The following DCTN4 variants were observed in gnomAD, a reference collection of about 807,000 sequenced individuals.
The protein encoded by DCTN4 is dynactin 4 (p62).
A neutral mutation model predicts 62.7 loss-of-function variants in DCTN4; 23 were observed. The observed-to-expected ratio is 0.37, with a 90% CI of 0.26 to 0.52. The LOEUF (loss-of-function observed/expected upper bound fraction) is 0.52, where lower values mean the gene tolerates loss of function less well. Among genes scored for constraint, DCTN4 ranks in the 20% least tolerant of loss-of-function variants. The probability of loss-of-function intolerance (pLI) is 0.92; values close to 1 mark genes in which losing one functional copy is unlikely to be tolerated. For missense variants in DCTN4, 514 were observed against 580.4 expected, an observed-to-expected ratio of 0.89 and a Z score of 1.18; for synonymous variants, 199 against 202.1, an observed-to-expected ratio of 0.98 and a Z score of 0.13.
At chr5:150,711,473 A>G (rs1303010722) in intron 12 of DCTN4, 111 bp from the exon 13 acceptor site, 1 of 809,356 alleles carries the variant, frequency 1.2e-6, no homozygotes, top group African/African-American at 1.7e-5. Context: ...CACACAGAAA[A>G]CCTATAAACA....
At chr5:150,711,983 T>C (rs1344860462) in intron 12 of DCTN4, among the ~76,000 whole-genome samples, 2 of 152,170 alleles carry the variant, frequency 1.3e-5, no homozygotes, top group East Asian at 1.9e-4. Context: ...CAGTATTCAA[T>C]TATGTGTTTA....
chr5:150,719,695 G>A (rs368455946), intron 10 of DCTN4, 21 bp downstream of exon 10: 1 of 1,575,636 alleles, frequency 6.3e-7, no homozygotes, highest in African/African-American at 1.4e-5. Flanking sequence ...TTTTCTTCCT[G>A]TTAATGAGCA....
At chr5:150,719,977 G>A (rs1055680434) in intron 9 of DCTN4, among the ~76,000 whole-genome samples, 7 of 152,086 alleles carry the variant, frequency 4.6e-5, no homozygotes, top group African/African-American at 9.7e-5. Context: ...GAAATCTTAC[G>A]TATATTTCTA....
At position 150,729,042 on chromosome 5, in the gene DCTN4, C is replaced by CCTT. The variant is rs762124472; in HGVS notation, c.834+1588_834+1589insAAG. 9.3e-3 allele frequency among the ~76,000 whole-genome samples: 484 copies of CCTT among 52,182 alleles called. 84 individuals are homozygous for CCTT. The highest frequency in any genetic ancestry group is 0.025 in the African/African-American group (328 of 13,166). 34.2% of individuals were successfully genotyped at this position (52,182 alleles called of 152,430 possible). On this transcript the variant is annotated intron_variant, in intron 8 of 12. Coordinates refer to ENST00000447998, the MANE Select transcript of DCTN4 (RefSeq NM_016221.4). Reference sequence around the variant, plus strand: ...ACAAGTGTGTGAACCACCACACTGGCTTTTTTTTTTTTTTTTTTTTTTTTT... The same window carrying CCTT: ...ACAAGTGTGTGAACCACCACACTGGCCTTTTTTTTTTTTTTTTTTTTTTTTTTT...
At chr5:150,725,448 T>A (rs562875884) in intron 8 of DCTN4, among the ~76,000 whole-genome samples, 1 of 152,070 alleles carries the variant, frequency 6.6e-6, no homozygotes, top group Non-Finnish European at 1.5e-5. Context: ...AACTTCTGAT[T>A]CTGTTGCCCT....
chr5:150,753,112 G>A (rs903283374), intron 3 of DCTN4, among the ~76,000 whole-genome samples: 5 of 152,070 alleles, frequency 3.3e-5, no homozygotes, highest in African/African-American at 9.7e-5. Flanking sequence ...TGATCTGCCC[G>A]CCTCAACCTC....
intron 4 of DCTN4, among the ~76,000 whole-genome samples, chr5:150,739,998 C>A (rs1256367638): frequency 6.6e-6 from 1 of 152,110 alleles, no homozygotes; most frequent in Non-Finnish European, 1.5e-5. Flanking sequence ...TGAGAAAAAT[C>A]CTTCTAGACA....
intron 3 of DCTN4, among the ~76,000 whole-genome samples, chr5:150,749,716 T>C (rs1385265138): frequency 6.6e-6 from 1 of 152,068 alleles, no homozygotes; most frequent in Non-Finnish European, 1.5e-5. Flanking sequence ...CATACACTTA[T>C]CCTATGACCT....
intron 3 of DCTN4, among the ~76,000 whole-genome samples, chr5:150,746,335 T>C (rs1187114762): frequency 2.0e-5 from 3 of 152,156 alleles, no homozygotes; most frequent in African/African-American, 4.8e-5. Context: ...CCAGATGGAA[T>C]CATAGCCAAA....
rs1314556354 is a variant in DCTN4 at position 150,727,786 on chromosome 5, A to C, written c.834+2845T>G. The stretch of plus-strand genomic sequence containing the variant: ...GCGAGACTCCGTCTCAAAAAAAAAA[A>C]AAAAAAAAAAACAAAAAACCCAATA... On this transcript the variant is annotated intron_variant, in intron 8 of 12. Coordinates refer to ENST00000447998, the MANE Select transcript of DCTN4 (RefSeq NM_016221.4). Among the ~76,000 whole-genome samples the C allele has an allele frequency of 1.4e-3, 215 of 150,576 alleles. 1 individual carries two copies. The highest frequency in any genetic ancestry group is 5.0e-3 in the African/African-American group (205 of 40,940).
chr5:150,726,334 C>T lies in DCTN4; in HGVS notation c.835-3354G>A, dbSNP rs376403757. The stretch of plus-strand genomic sequence containing the variant: ...CCACAACTGAGCGGAGCCACCTCCT[C>T]GAGACATGCATTGCTCTGCTGCTGG... On this transcript the variant is annotated intron_variant, in intron 8 of 12. Transcript: ENST00000447998. Among the ~76,000 whole-genome samples the T allele has an allele frequency of 1.3e-4, 20 of 152,266 alleles. No individual in the cohort carries two copies. The East Asian group carries it at 2.1e-3, about 16-fold the overall frequency.
chr5:150,711,468 A>G (rs1759562301), intron 12 of DCTN4, 106 bp from the exon 13 acceptor site: 1 of 866,990 alleles, frequency 1.2e-6, no homozygotes, highest in Non-Finnish European at 1.8e-6. Flanking sequence ...CAGCACACAC[A>G]GAAAACCTAT....
rs1045794002 is a variant in DCTN4 at position 150,752,800 on chromosome 5, G to A, written c.385+679C>T. 2.0e-5 allele frequency among the ~76,000 whole-genome samples: 3 copies of A among 151,968 alleles called. No individual in the cohort carries two copies. The South Asian group carries it at 6.2e-4, about 32-fold the overall frequency. Reference sequence around the variant, plus strand: ...TGACTTATAAGCGTTCCTCATTTCTGAGTATTCATCTTTAGCCTGTTATAT... The same window carrying A: ...TGACTTATAAGCGTTCCTCATTTCTAAGTATTCATCTTTAGCCTGTTATAT... On this transcript the variant is annotated intron_variant, in intron 3 of 12. Coordinates refer to ENST00000447998, the MANE Select transcript of DCTN4 (RefSeq NM_016221.4).
intron 4 of DCTN4, among the ~76,000 whole-genome samples, chr5:150,741,626 A>G (rs1403056985): frequency 6.6e-6 from 1 of 152,130 alleles, no homozygotes; most frequent in African/African-American, 2.4e-5. Context: ...GACTATAGGC[A>G]TGCGCCACCA....
intron 5 of DCTN4, chr5:150,731,997 G>T: frequency 9.1e-7 from 1 of 1,097,014 alleles, no homozygotes; most frequent in South Asian, 1.3e-5. Flanking sequence ...CAGGTTATAT[G>T]GGAAAATTGG....
chr5:150,731,942 A>C, intron 5 of DCTN4: 1 of 1,549,804 alleles, frequency 6.5e-7, no homozygotes, highest in South Asian at 1.2e-5. Flanking sequence ...GTTGCAACAG[A>C]GACAAAAAAT....
At chr5:150,751,681 C>T (rs1311226440) in intron 3 of DCTN4, among the ~76,000 whole-genome samples, 1 of 152,096 alleles carries the variant, frequency 6.6e-6, no homozygotes, top group Non-Finnish European at 1.5e-5. Flanking sequence ...TTCAGTCACA[C>T]TTCAGGTAAA....
chr5:150,723,043 G>T, intron 8 of DCTN4, 63 bp from the exon 9 acceptor site: 1 of 1,218,238 alleles, frequency 8.2e-7, no homozygotes, highest in Non-Finnish European at 1.2e-6. Flanking sequence ...GATCCATAGA[G>T]CTGCTAAATT....
At chr5:150,721,841 T>G (rs1759963963) in intron 9 of DCTN4, among the ~76,000 whole-genome samples, 1 of 152,154 alleles carries the variant, frequency 6.6e-6, no homozygotes, top group Admixed American at 6.5e-5. Context: ...TTTTTTTCCT[T>G]AGAGAGAGAG....
Sources: allele counts gnomAD v4.1 joint callset (sites outside exome capture counted in the v4.1 genomes callset), GRCh38; gene constraint gnomAD v4.1.1; transcripts MANE v1.5; gene names NCBI Gene and HGNC (gene_info 2026-07-23, HGNC 2026-07-21).